EPHA4: variants seen among roughly 807,000 people sequenced by gnomAD.
EPHA4 encodes the protein ephrin type-A receptor 4.
EPHA4 carries 19 observed loss-of-function variants against 108.3 expected under a neutral mutation model. That is an observed-to-expected ratio of 0.18 (90% CI 0.12 to 0.26). EPHA4 has a LOEUF of 0.26. Ranked by LOEUF, EPHA4 falls within the 10% of genes least tolerant of loss-of-function variation. EPHA4 has a pLI of 1.00. For missense variants in EPHA4, 917 were observed against 1,254.0 expected, an observed-to-expected ratio of 0.73 and a Z score of 4.06; for synonymous variants, 449 against 455.5, an observed-to-expected ratio of 0.99 and a Z score of 0.18.
In EPHA4 at chr2:221,432,159, A is replaced by AT. The variant is rs1169404794; in HGVS notation, c.2496+1982_2496+1983insA. ...TATATATATGTGTGTATATATATAT[A>AT]AAATACATATATATAAACTGCCAAA... is the stretch of plus-strand genomic sequence containing the variant. On this transcript the variant is annotated intron_variant, in intron 14 of 17. Coordinates refer to ENST00000281821, the MANE Select transcript of EPHA4 (RefSeq NM_004438.5). Among the ~76,000 whole-genome samples, 215 of 150,050 alleles carry AT rather than the reference A, an allele frequency of 1.4e-3. 1 individual carries two copies. Among genetic ancestry groups the AT allele is most frequent in the African/African-American group, 4.2e-3 (173 of 40,976 alleles).
In EPHA4 at chr2:221,568,733, G is replaced by T. The variant is rs748448148; in HGVS notation, c.144C>A (p.Ser48Arg). 2 of 1,613,626 alleles carry T rather than the reference G, an allele frequency of 1.2e-6. No homozygotes were observed. The highest frequency in any genetic ancestry group is 1.7e-6 in the Non-Finnish European group (2 of 1,179,790). The change falls in exon 2 of 18, where the codon AGC becomes AGA. Residue 48 changes from serine to arginine, a missense_variant. Transcript: ENST00000281821. ...CAGGACTTACCCCTCCTTCCAGAGG[G>T]CTTGCTATCCACCCAAGTTCTCCCT... ...SVQGELGWIA[S>R]PLEGGWEEVS...
chr2:221,571,521 G>A lies in EPHA4; in HGVS notation c.91+637C>T, dbSNP rs1324437280. Reference sequence around the variant, plus strand: ...CCGGCGGGTTCCCCAAGTCTGCGGGGCGAAGAGCTCGGGCCCCTCAGGCCC... The same window carrying A: ...CCGGCGGGTTCCCCAAGTCTGCGGGACGAAGAGCTCGGGCCCCTCAGGCCC... On this transcript the variant is annotated intron_variant, in intron 1 of 17. Coordinates refer to ENST00000281821, the MANE Select transcript of EPHA4 (RefSeq NM_004438.5). The surrounding 1 kb of genome is among the most constrained non-coding windows in gnomAD (Gnocchi z 6.3). Among the ~76,000 whole-genome samples, 1 of 152,256 alleles carries A rather than the reference G, an allele frequency of 6.6e-6. No individual in the cohort carries two copies. The highest frequency in any genetic ancestry group is 1.5e-5 in the Non-Finnish European group (1 of 68,048).
intron 2 of EPHA4, 43 bp from the exon 3 acceptor site, chr2:221,564,437 C>T: frequency 1.9e-6 from 3 of 1,558,846 alleles, no homozygotes; most frequent in Non-Finnish European, 2.6e-6. Flanking sequence ...AAAGTTTCAT[C>T]ATGCAGTGAT....
intron 1 of EPHA4, 67 bp downstream of exon 1, chr2:221,572,091 C>G: frequency 1.5e-6 from 2 of 1,369,882 alleles, no homozygotes; most frequent in Non-Finnish European, 2.1e-6. Context: ...CCCTGCGCTC[C>G]TGAGGACCCC....
chr2:221,568,778 T>C lies in EPHA4; in HGVS notation c.99A>G (p.Leu33=). 1 of 1,613,060 alleles carries C rather than the reference T, an allele frequency of 6.2e-7. No homozygotes were observed. The highest frequency in any genetic ancestry group is 8.5e-7 in the Non-Finnish European group (1 of 1,179,668). The stretch of plus-strand genomic sequence containing the variant: ...CTCCCTGAACAGATCTGGAATCCAA[T>C]AAGGTAACTGCAAAAAACAAAAGAA... ...SRVYPANEVT[L]LDSRSVQGEL... is the part of the protein sequence containing the mutation. Residue 33 remains leucine, a synonymous_variant, in exon 2 of 18, where the codon TTA becomes TTG. Transcript: ENST00000281821.
chr2:221,524,014 A>T (rs1693250432), intron 3 of EPHA4, among the ~76,000 whole-genome samples: 1 of 152,250 alleles, frequency 6.6e-6, no homozygotes, highest in African/African-American at 2.4e-5. Flanking sequence ...ATATATATAT[A>T]AAATGCCTTG....
intron 14 of EPHA4, among the ~76,000 whole-genome samples, chr2:221,433,760 A>C (rs2106096179): frequency 6.6e-6 from 1 of 152,330 alleles, no homozygotes; most frequent in South Asian, 2.1e-4. Context: ...GTTTTCTTTC[A>C]ATAAGCCTTT....
chr2:221,516,699 A>C lies in EPHA4; in HGVS notation c.824-15527T>G, dbSNP rs1384792231. Among the ~76,000 whole-genome samples the C allele has an allele frequency of 3.9e-5, 6 of 152,252 alleles. No individual in the cohort carries two copies. The East Asian group carries it at 1.2e-3, about 30-fold the overall frequency. ...ACCTAGGATGCTCTGATAAACCCCA[A>C]AGTCACTTACAATTCAGTTCAAATG... On this transcript the variant is annotated intron_variant, in intron 3 of 17. Coordinates refer to ENST00000281821, the MANE Select transcript of EPHA4 (RefSeq NM_004438.5).
chr2:221,450,177 C>T (rs1029909441), intron 8 of EPHA4, among the ~76,000 whole-genome samples: 3 of 152,188 alleles, frequency 2.0e-5, no homozygotes, highest in Admixed American at 6.5e-5. Flanking sequence ...GAAATTAGGG[C>T]CCAGGCGGAC....
chr2:221,485,965 G>A (rs769997914), intron 4 of EPHA4, among the ~76,000 whole-genome samples: 22 of 152,070 alleles, frequency 1.4e-4, no homozygotes, highest in Admixed American at 4.6e-4. Flanking sequence ...TAAATACAAG[G>A]CATCCAGAAG....
intron 11 of EPHA4, among the ~76,000 whole-genome samples, chr2:221,440,238 G>A (rs1366915136): frequency 2.6e-5 from 4 of 152,188 alleles, no homozygotes; most frequent in Admixed American, 6.5e-5. Flanking sequence ...TTATGCAAAT[G>A]CATCCAGTCG....
rs764128720 is a variant in EPHA4, at chr2:221,572,296, T to G, written c.-48A>C. On this transcript the variant is annotated 5_prime_UTR_variant, in exon 1 of 18. Transcript: ENST00000281821. The stretch of plus-strand genomic sequence containing the variant: ...TCCTGCCGCTTCTATCCCAGTGGAA[T>G]AAATGCTTAAGTTAGGAGAGCAGCG... 33 of 1,522,072 alleles carry G rather than the reference T, an allele frequency of 2.2e-5. No homozygotes were observed. The highest frequency in any genetic ancestry group is 1.7e-4 in the Middle Eastern group (1 of 5,870). The allele number at this position is 1,522,072 out of a possible 1,614,324, so 94.3% of individuals were successfully genotyped here.
chr2:221,479,801 C>A (rs949707051), intron 5 of EPHA4, among the ~76,000 whole-genome samples: 1 of 152,158 alleles, frequency 6.6e-6, no homozygotes, highest in Admixed American at 6.5e-5. Flanking sequence ...TAAGTGAAAG[C>A]TTTCTGGCTG....
chr2:221,487,593 CTTTAAT>C (rs1358500490), intron 4 of EPHA4, among the ~76,000 whole-genome samples: 2 of 152,026 alleles, frequency 1.3e-5, no homozygotes, highest in Non-Finnish European at 2.9e-5. Flanking sequence ...CAGCTTTTGC[CTTTAAT>C]TTTAATTTTT....
At chr2:221,448,847 CA>C (rs1275912743) in intron 8 of EPHA4, among the ~76,000 whole-genome samples, 13 of 152,108 alleles carry the variant, frequency 8.5e-5, no homozygotes, top group African/African-American at 3.1e-4. Flanking sequence ...GTCAATGAAA[CA>C]AAAACCTGGA....
At position 221,571,334 on chromosome 2, in the gene EPHA4, A is replaced by G. The variant is rs1055268930; in HGVS notation, c.91+824T>C. Among the ~76,000 whole-genome samples, 1 of 42,018 alleles carries G rather than the reference A, an allele frequency of 2.4e-5. No homozygotes were observed. The highest frequency in any genetic ancestry group is 9.7e-5 in the African/African-American group (1 of 10,314). The allele number at this position is 42,018 out of a possible 152,430, so 27.6% of individuals were successfully genotyped here. ...GATCACCGCCCCCCCGCCCCGCCCC[A>G]CCTCCCGACACAGACACACAGGCAC... On this transcript the variant is annotated intron_variant, in intron 1 of 17. Coordinates refer to ENST00000281821, the MANE Select transcript of EPHA4 (RefSeq NM_004438.5). This position sits in a 1 kb window ranked among gnomAD's most constrained non-coding sequence, Gnocchi z 6.3.
chr2:221,549,619 A>G (rs1380314051), intron 3 of EPHA4, among the ~76,000 whole-genome samples: 1 of 152,224 alleles, frequency 6.6e-6, no homozygotes, highest in Non-Finnish European at 1.5e-5. Flanking sequence ...GAGTAGCTCT[A>G]CCATGCCTAT....
intron 5 of EPHA4, among the ~76,000 whole-genome samples, chr2:221,464,477 T>G (rs147563133): frequency 1.2e-3 from 179 of 152,330 alleles, no homozygotes; most frequent in African/African-American, 4.0e-3. Context: ...GGTGCTAATA[T>G]TAATTGTTTT....
intron 15 of EPHA4, among the ~76,000 whole-genome samples, chr2:221,429,053 A>G (rs1169840431): frequency 6.6e-6 from 1 of 152,232 alleles, no homozygotes; most frequent in Non-Finnish European, 1.5e-5. Context: ...ACACAGGATC[A>G]TGATGAAACA....
Sources: gnomAD v4.1 joint callset for allele counts (sites outside exome capture counted in the v4.1 genomes callset) on GRCh38, gnomAD v4.1.1 for gene constraint, Gnocchi (gnomAD v3.1) non-coding constraint, MANE v1.5 for transcripts, NCBI Gene and HGNC (gene_info 2026-07-23, HGNC 2026-07-21) for gene names.